The following CTU1 variants were observed in gnomAD, a reference collection of about 807,000 sequenced individuals.
The protein encoded by CTU1 is cytosolic thiouridylase subunit 1.
CTU1 carries 15 observed loss-of-function variants against 12.9 expected under a neutral mutation model. The ratio of observed to expected loss-of-function variants is 1.16; its 90% confidence interval spans 0.78 to 1.79. The LOEUF is 1.79. Among genes scored for constraint, CTU1 ranks in the 40% most tolerant of loss-of-function variants. CTU1 has a pLI of 0.00. For synonymous variants in CTU1, 295 were observed against 275.6 expected (o/e 1.07, Z -0.70); for missense variants, 553 against 550.5 (o/e 1.00, Z -0.05).
rs2091900780 is a variant in CTU1, at chr19:51,099,077, G to A, written c.571C>T (p.Arg191Trp). 2.6e-6 allele frequency: 4 copies of A among 1,529,500 alleles called. No homozygotes were observed. Among genetic ancestry groups the A allele is most frequent in the Middle Eastern group, 1.8e-4 (1 of 5,598 alleles). The allele number at this position is 1,529,500 out of a possible 1,614,324, so 94.7% of individuals were successfully genotyped here. ...LMNFLRGDAGRLARGGGLGSP... is the reference protein window; with the variant it reads ...LMNFLRGDAGWLARGGGLGSP... ...CCCAGGCCCCCGCCCCGGGCCAGCC[G>A]CCCCGCGTCGCCCCGTAGGAAGTTC... Residue 191 changes from arginine to tryptophan, a missense_variant, in exon 3 of 3, where the codon CGG becomes TGG. This residue lies in a region of CTU1 where 500 missense variants were observed against 458.5 expected (regional missense o/e 1.09). Transcript: ENST00000421832.
rs2091900798 is a variant in CTU1, at chr19:51,099,081, C to T, written c.567G>A (p.Ala189=). 2.0e-6 allele frequency: 3 copies of T among 1,534,192 alleles called. No homozygotes were observed. Among genetic ancestry groups the T allele is most frequent in the African/African-American group, 1.4e-5 (1 of 71,724 alleles). Reference sequence around the variant, plus strand: ...GGCCCCCGCCCCGGGCCAGCCGCCCCGCGTCGCCCCGTAGGAAGTTCATGA... The same window carrying T: ...GGCCCCCGCCCCGGGCCAGCCGCCCTGCGTCGCCCCGTAGGAAGTTCATGA... The part of the protein sequence containing the change: ...TVLMNFLRGD[A]GRLARGGGLG... Residue 189 remains alanine (A), a synonymous_variant, in exon 3 of 3, where the codon GCG becomes GCA. Coordinates refer to ENST00000421832, the MANE Select transcript of CTU1 (RefSeq NM_145232.4).
intron 1 of CTU1, among the ~76,000 whole-genome samples, chr19:51,106,817 T>C (rs2691263): frequency 0.52 from 79,064 of 151,976 alleles, 21,427 homozygotes; most frequent in East Asian, 0.76. Flanking sequence ...TGTGCCCAGC[T>C]TCTTTCCATT....
At chr19:51,100,482 G>T (rs1315287007) in intron 2 of CTU1, among the ~76,000 whole-genome samples, 2 of 152,060 alleles carry the variant, frequency 1.3e-5, no homozygotes, top group East Asian at 3.9e-4. Context: ...ATGGTGGCAG[G>T]CACCTGTAAC....
rs777794506 is a variant in CTU1, at chr19:51,099,110, C to T, written c.538G>A (p.Val180Met). The change falls in exon 3 of 3, where the codon GTG becomes ATG. Residue 180 changes from valine (V) to methionine (M), a missense_variant. Physicochemically the swap from Val to Met is conservative, Grantham distance 21. Transcript: ENST00000421832. ...TCGCCCCGTAGGAAGTTCATGAGCA[C>T]GGTCTCCGCCATGTCGTCGGCGTTG... is the stretch of plus-strand genomic sequence containing the variant. ...GHNADDMAET[V>M]LMNFLRGDAG... 1.3e-6 allele frequency: 2 copies of T among 1,565,598 alleles called. No homozygotes were observed. Among genetic ancestry groups the T allele is most frequent in the East Asian group, 2.3e-5 (1 of 42,646 alleles).
chr19:51,098,370 T>A lies in CTU1; in HGVS notation c.*231A>T. 1 of 335,336 alleles carries A rather than the reference T, an allele frequency of 3.0e-6. No individual in the cohort carries two copies. The highest frequency in any genetic ancestry group is 5.3e-6 in the Non-Finnish European group (1 of 188,840). The allele number at this position is 335,336 out of a possible 1,614,324, so 20.8% of individuals were successfully genotyped here. A position where few individuals can be genotyped will look rare whatever the true frequency, so the allele number is the denominator to read the frequency against. Reference sequence around the variant, plus strand: ...GCCCTCTCCTCTCTCAGACCTAGGATGGTCCCCCAGCCCCCTCCTCCCTCA... The same window carrying A: ...GCCCTCTCCTCTCTCAGACCTAGGAAGGTCCCCCAGCCCCCTCCTCCCTCA... On this transcript the variant is annotated 3_prime_UTR_variant, in exon 3 of 3. Transcript: ENST00000421832. The surrounding 1 kb of genome is among the most constrained non-coding windows in gnomAD (Gnocchi z 4.3).
chr19:51,098,501 C>A lies in CTU1; in HGVS notation c.*100G>T, dbSNP rs547458356. 7.2e-6 allele frequency: 8 copies of A among 1,107,794 alleles called. No individual in the cohort carries two copies. The African/African-American group carries it at 1.2e-4, about 16-fold the overall frequency. The allele number at this position is 1,107,794 out of a possible 1,614,324, so 68.6% of individuals were successfully genotyped here. A position where few individuals can be genotyped will look rare whatever the true frequency, so the allele number is the denominator to read the frequency against. On this transcript the variant is annotated 3_prime_UTR_variant, in exon 3 of 3. Coordinates refer to ENST00000421832, the MANE Select transcript of CTU1 (RefSeq NM_145232.4). The surrounding 1 kb of genome is among the most constrained non-coding windows in gnomAD (Gnocchi z 4.3). ...ATGGGCCCCCGTCTCCTTCCCAACC[C>A]CACATGGAAGGCCAGGTAAGGTAAC...
rs1477885551 is a variant in CTU1 at position 51,104,092 on chromosome 19, G to A, written c.478C>T (p.Arg160Cys). The A allele has an allele frequency of 2.0e-5, 30 of 1,470,744 alleles. No individual in the cohort carries two copies. The highest frequency in any genetic ancestry group is 2.4e-5 in the Non-Finnish European group (27 of 1,126,940). 91.1% of individuals were successfully genotyped at this position (1,470,744 alleles called of 1,614,324 possible). A position where few individuals can be genotyped will look rare whatever the true frequency, so the allele number is the denominator to read the frequency against. ...LRRRALEEGA[R>C]RVGATHIVTG... ...ACGATGTGCGTGGCTCCCACGCGGC[G>A]CGCCCCTTCCTCCAGCGCCCGGCGC... Residue 160 changes from arginine to cysteine, a missense_variant, in exon 2 of 3, where the codon CGC becomes TGC. This residue lies in a region of CTU1 where 500 missense variants were observed against 458.5 expected (regional missense o/e 1.09). Transcript: ENST00000421832.
intron 2 of CTU1, among the ~76,000 whole-genome samples, chr19:51,101,101 T>C (rs1161671947): frequency 6.6e-6 from 1 of 152,006 alleles, no homozygotes; most frequent in African/African-American, 2.4e-5. Context: ...TGTGCCACCA[T>C]GCCCAGCTAA....
At chr19:51,106,258 C>T (rs988290189) in intron 1 of CTU1, among the ~76,000 whole-genome samples, 2 of 152,198 alleles carry the variant, frequency 1.3e-5, no homozygotes, top group Non-Finnish European at 2.9e-5. Flanking sequence ...CACTGGCTCT[C>T]CCCTCTGCCC....
chr19:51,101,098 C>T (rs2091906330), intron 2 of CTU1, among the ~76,000 whole-genome samples: 1 of 152,002 alleles, frequency 6.6e-6, no homozygotes, highest in Non-Finnish European at 1.5e-5. Context: ...GTGTGTGCCA[C>T]CATGCCCAGC....
chr19:51,103,373 C>T (rs1310499941), intron 2 of CTU1, among the ~76,000 whole-genome samples: 4 of 152,076 alleles, frequency 2.6e-5, no homozygotes, highest in Non-Finnish European at 5.9e-5. Context: ...ATCACGAGGT[C>T]AGGAGATCGA....
rs1422291780 is a variant in CTU1 at position 51,098,863 on chromosome 19, G to T, written c.785C>A (p.Ala262Glu). 17 of 1,398,878 alleles carry T rather than the reference G, an allele frequency of 1.2e-5. No individual in the cohort carries two copies. The highest frequency in any genetic ancestry group is 3.5e-5 in the East Asian group (1 of 28,572). The allele number at this position is 1,398,878 out of a possible 1,614,324, so 86.7% of individuals were successfully genotyped here. ...GGCCGAGTGCACGAGGTCCAGCACC[G>T]CGGACGGCCGCGCCGCCTCCAGGCG... ...LKRLEAARPS[A>E]VLDLVHSAER... Residue 262 changes from alanine (A) to glutamate (E), a missense_variant, in exon 3 of 3, where the codon GCG becomes GAG. Physicochemically the swap from Ala to Glu is moderately radical, Grantham distance 107 (BLOSUM62 -1). Transcript: ENST00000421832. This position sits in a 1 kb window ranked among gnomAD's most constrained non-coding sequence, Gnocchi z 4.3.
chr19:51,101,096 C>T (rs1267396561), intron 2 of CTU1, among the ~76,000 whole-genome samples: 3 of 151,996 alleles, frequency 2.0e-5, no homozygotes, highest in Non-Finnish European at 2.9e-5. Context: ...AGGTGTGTGC[C>T]ACCATGCCCA....
In CTU1 at chr19:51,097,925, T is replaced by C. The variant is rs1241850056; in HGVS notation, c.*676A>G. ...AGAGCTTTGGAGGGAGCCCTCGGTG[T>C]GACCCCTTCCGACTGGGTGTCTTAG... On this transcript the variant is annotated 3_prime_UTR_variant, in exon 3 of 3. Coordinates refer to ENST00000421832, the MANE Select transcript of CTU1 (RefSeq NM_145232.4). The C allele has an allele frequency of 6.6e-6, 1 of 152,194 alleles. No individual in the cohort carries two copies. Among genetic ancestry groups the C allele is most frequent in the African/African-American group, 2.4e-5 (1 of 41,410 alleles). The allele number at this position is 152,194 out of a possible 1,614,324, so 9.4% of individuals were successfully genotyped here. A position where few individuals can be genotyped will look rare whatever the true frequency, so the allele number is the denominator to read the frequency against.
At chr19:51,104,708 G>T in intron 1 of CTU1, 118 bp from the exon 2 acceptor site, 1 of 778,354 alleles carries the variant, frequency 1.3e-6, no homozygotes, top group South Asian at 6.5e-5. Context: ...AGACGTGTGC[G>T]CGAGTGGAGT....
At chr19:51,107,884 C>G (rs2091924276) in intron 1 of CTU1, among the ~76,000 whole-genome samples, 1 of 152,184 alleles carries the variant, frequency 6.6e-6, no homozygotes, top group African/African-American at 2.4e-5. Flanking sequence ...GACTAGCTGT[C>G]ACTGGTGACA....
chr19:51,105,780 G>C (rs1359812937), intron 1 of CTU1, among the ~76,000 whole-genome samples: 1 of 152,096 alleles, frequency 6.6e-6, no homozygotes, highest in Admixed American at 6.5e-5. Context: ...GGAGCTTTGG[G>C]GTCCAGGACC....
intron 2 of CTU1, among the ~76,000 whole-genome samples, chr19:51,101,133 G>A (rs773975493): frequency 3.9e-5 from 6 of 152,024 alleles, no homozygotes; most frequent in Admixed American, 6.6e-5. Flanking sequence ...CTATACAGAC[G>A]CAGTTTCTCC....
intron 1 of CTU1, among the ~76,000 whole-genome samples, chr19:51,105,505 C>A (rs780623166): frequency 9.9e-5 from 15 of 152,200 alleles, no homozygotes; most frequent in Non-Finnish European, 1.6e-4. Context: ...AGTTCTCCTC[C>A]CCAAGCCACC....
Sources: gnomAD v4.1 joint callset for allele counts (sites outside exome capture counted in the v4.1 genomes callset) on GRCh38, gnomAD v4.1.1 for gene constraint, gnomAD v4.1.1 regional missense constraint, Gnocchi (gnomAD v3.1) non-coding constraint, MANE v1.5 for transcripts, NCBI Gene and HGNC (gene_info 2026-07-23, HGNC 2026-07-21) for gene names.